Variants in ROBO2 observed in about 807,000 individuals in gnomAD.
The protein encoded by ROBO2 is roundabout homolog 2.
A neutral mutation model predicts 160.8 loss-of-function variants in ROBO2; 53 were observed. That is an observed-to-expected ratio of 0.33 (90% CI 0.26 to 0.41). ROBO2 has a LOEUF of 0.41. ROBO2 is among the 10% of genes least tolerant of loss of function. ROBO2 has a pLI of 1.00. For synonymous variants in ROBO2, 664 were observed against 611.7 expected (o/e 1.09, Z -1.26); for missense variants, 1,577 against 1,722.4 (o/e 0.92, Z 1.49).
intron 2 of ROBO2, among the ~76,000 whole-genome samples, chr3:75,948,490 T>C (rs564899354): frequency 1.2e-4 from 19 of 152,230 alleles, no homozygotes; most frequent in African/African-American, 4.6e-4. Flanking sequence ...ATTCACCTGG[T>C]GAACTTGTTC....
chr3:77,493,239 T>TC lies in ROBO2; in HGVS notation c.668-4dup. 1.2e-6 allele frequency: 2 copies of TC among 1,613,558 alleles called. No individual in the cohort carries two copies. Among genetic ancestry groups the TC allele is most frequent in the Middle Eastern group, 3.3e-4 (2 of 6,058 alleles). On this transcript the variant is annotated splice_polypyrimidine_tract_variant and splice_region_variant and intron_variant, in intron 4 of 25. Transcript: ENST00000461745. ...TTTTACCATTGTTTCATTTTTTTTT[T>TC]CAAGAACGACCCACATTTCTCAGGA...
chr3:76,397,989 G>A (rs1319651524), intron 2 of ROBO2, among the ~76,000 whole-genome samples: 2 of 152,084 alleles, frequency 1.3e-5, no homozygotes, highest in Non-Finnish European at 2.9e-5. Flanking sequence ...ATACCCAAAG[G>A]ATTATAAATC....
intron 2 of ROBO2, among the ~76,000 whole-genome samples, chr3:77,129,320 TG>T (rs1238995089): frequency 1.3e-5 from 2 of 152,210 alleles, no homozygotes; most frequent in East Asian, 3.9e-4. Context: ...ATTGTGGTTT[TG>T]GACCATGAAT....
chr3:77,583,464 G>A (rs960250405), intron 16 of ROBO2, among the ~76,000 whole-genome samples: 1 of 151,876 alleles, frequency 6.6e-6, no homozygotes, highest in Non-Finnish European at 1.5e-5. Flanking sequence ...GAAGTGTCCA[G>A]GGAACTGGTC....
intron 2 of ROBO2, among the ~76,000 whole-genome samples, chr3:76,636,144 T>G (rs2090319954): frequency 6.6e-6 from 1 of 152,220 alleles, no homozygotes; most frequent in Non-Finnish European, 1.5e-5. Context: ...TTTCCATCAC[T>G]TATCCTCATT....
chr3:77,402,293 G>T (rs1385490221), intron 2 of ROBO2, among the ~76,000 whole-genome samples: 1 of 152,048 alleles, frequency 6.6e-6, no homozygotes, highest in Non-Finnish European at 1.5e-5. Flanking sequence ...TCTGGAGTGG[G>T]GTCTAGGGGA....
chr3:76,383,290 A>G (rs1038593029), intron 2 of ROBO2, among the ~76,000 whole-genome samples: 2 of 152,292 alleles, frequency 1.3e-5, no homozygotes, highest in Non-Finnish European at 1.5e-5. Context: ...CCTTTATAAA[A>G]CTATGCAATG....
At chr3:76,833,777 A>G (rs899489589) in intron 2 of ROBO2, among the ~76,000 whole-genome samples, 27 of 152,090 alleles carry the variant, frequency 1.8e-4, no homozygotes, top group Non-Finnish European at 4.4e-5. Flanking sequence ...GTAAGTGCCC[A>G]CAGGGACACA....
chr3:77,529,773 A>G lies in ROBO2; in HGVS notation c.934+6871A>G, dbSNP rs560993987. Among the ~76,000 whole-genome samples the G allele has an allele frequency of 4.6e-5, 7 of 152,020 alleles. No homozygotes were observed. In the South Asian group the frequency reaches 1.5e-3, roughly 32 times the overall value. On this transcript the variant is annotated intron_variant, in intron 6 of 25. Coordinates refer to ENST00000461745, the Ensembl canonical transcript of ROBO2. ...GTACTTTATTCTGGGGAAGTCTGTC[A>G]TTTCATAAATCTATCTCAAATGACT...
At chr3:76,535,936 G>T in intron 2 of ROBO2, among the ~76,000 whole-genome samples, 1 of 152,170 alleles carries the variant, frequency 6.6e-6, no homozygotes, top group Non-Finnish European at 1.5e-5. Flanking sequence ...GGGAGATCTG[G>T]GAAGGAGTCA....
chr3:77,138,986 C>T (rs1030871121), intron 2 of ROBO2, among the ~76,000 whole-genome samples: 14 of 152,006 alleles, frequency 9.2e-5, no homozygotes, highest in African/African-American at 2.7e-4. Context: ...ACTTAGCAAC[C>T]GCGCTGTTTT....
rs1559749472 is a variant in ROBO2, at chr3:76,948,877, TATA to T, written c.110-149136_110-149134del. ...CCGCCACCACACCCGGCTAATTTTA[TATA>T]TATATATATATATATATATATATAT... On this transcript the variant is annotated intron_variant, in intron 2 of 26. Transcript: ENST00000487694. 1.2e-3 allele frequency among the ~76,000 whole-genome samples: 58 copies of T among 49,102 alleles called. 1 individual carries two copies. Among genetic ancestry groups the T allele is most frequent in the African/African-American group, 2.1e-3 (20 of 9,344 alleles). 32.2% of individuals were successfully genotyped at this position (49,102 alleles called of 152,430 possible).
chr3:76,788,398 T>C (rs1198365403), intron 2 of ROBO2, among the ~76,000 whole-genome samples: 1 of 151,420 alleles, frequency 6.6e-6, no homozygotes, highest in Non-Finnish European at 1.5e-5. Context: ...TCTTTTTATC[T>C]CTCTAAACTA....
At chr3:77,505,934 C>T (rs2088452303) in intron 5 of ROBO2, among the ~76,000 whole-genome samples, 1 of 152,106 alleles carries the variant, frequency 6.6e-6, no homozygotes, top group African/African-American at 2.4e-5. Flanking sequence ...ATTTTAAGGG[C>T]TCACTGGCTT....
chr3:76,622,238 G>GA (rs1447405778), intron 2 of ROBO2, among the ~76,000 whole-genome samples: 7 of 88,172 alleles, frequency 7.9e-5, no homozygotes, highest in African/African-American at 3.4e-4. Context: ...AAGGAAGGAA[G>GA]AAAGAAAGAA....
chr3:76,579,910 T>C (rs2085548681), intron 2 of ROBO2, among the ~76,000 whole-genome samples: 1 of 152,142 alleles, frequency 6.6e-6, no homozygotes, highest in South Asian at 2.1e-4. Context: ...AAACATGTCA[T>C]TCGACACTCA....
chr3:77,274,385 C>T (rs1201184857), intron 2 of ROBO2, among the ~76,000 whole-genome samples: 1 of 152,036 alleles, frequency 6.6e-6, no homozygotes, highest in African/African-American at 2.4e-5. Flanking sequence ...TAAAATTACA[C>T]TTGTACATAT....
At chr3:77,547,894 T>C (rs765098404) in intron 7 of ROBO2, among the ~76,000 whole-genome samples, 2 of 152,044 alleles carry the variant, frequency 1.3e-5, no homozygotes, top group Non-Finnish European at 2.9e-5. Context: ...TCTTTTCAGA[T>C]GTTAGCGTCT....
intron 2 of ROBO2, among the ~76,000 whole-genome samples, chr3:76,960,707 T>C (rs9810905): frequency 0.08 from 12,214 of 152,184 alleles, 1,638 homozygotes; most frequent in African/African-American, 0.28. Flanking sequence ...AAGTGACACA[T>C]ACTCTATTTT....
Sources: gnomAD v4.1 joint callset for allele counts (sites outside exome capture counted in the v4.1 genomes callset) on GRCh38, gnomAD v4.1.1 for gene constraint, MANE v1.5 for transcripts, NCBI Gene and HGNC (gene_info 2026-07-23, HGNC 2026-07-21) for gene names.